BBOX1: variants seen among roughly 807,000 people sequenced by gnomAD.
The protein encoded by BBOX1 is gamma-butyrobetaine hydroxylase 1.
Under a neutral mutation model 41.6 loss-of-function variants are expected in BBOX1, and 35 were observed. That is an observed-to-expected ratio of 0.84 (90% confidence interval 0.64 to 1.11). The LOEUF is 1.11. Among genes scored for constraint, BBOX1 ranks in the 50% most tolerant of loss-of-function variants. The pLI is 0.00. For synonymous variants in BBOX1, 163 were observed against 154.7 expected (o/e 1.05, Z -0.40); for missense variants, 458 against 460.6 (o/e 0.99, Z 0.05).
At chr11:27,124,116 A>G (rs1859561123) in intron 7 of BBOX1, among the ~76,000 whole-genome samples, 1 of 152,032 alleles carries the variant, frequency 6.6e-6, no homozygotes, top group Admixed American at 6.5e-5. Flanking sequence ...ATCTTTCCCC[A>G]TTTGTTGATA....
intron 4 of BBOX1, among the ~76,000 whole-genome samples, chr11:27,092,431 G>A (rs1858280313): frequency 6.6e-6 from 1 of 151,870 alleles, no homozygotes; most frequent in African/African-American, 2.4e-5. Flanking sequence ...TTTCCTCTGT[G>A]TTCCACTTCC....
At chr11:27,041,673 T>A (rs1851351414) in intron 2 of BBOX1, among the ~76,000 whole-genome samples, 195 bp downstream of exon 2, 2 of 152,136 alleles carry the variant, frequency 1.3e-5, no homozygotes, top group Admixed American at 1.3e-4. Context: ...CCATCAAGCA[T>A]TTAGAATAGG....
rs199610433 is a variant in BBOX1, at chr11:27,119,842, T to C, written c.833T>C (p.Ile278Thr). The C allele has an allele frequency of 9.4e-6, 14 of 1,487,254 alleles. No homozygotes were observed. The highest frequency in any genetic ancestry group is 1.4e-5 in the African/African-American group (1 of 70,070). The allele number at this position is 1,487,254 out of a possible 1,614,324, so 92.1% of individuals were successfully genotyped here. ...TCTGTACAATCAAAACATAAAATTA[T>C]AGAGTAAGTACTATTTATAAATTTC... The part of the protein sequence containing the change: ...DFSVQSKHKI[I>T]ELDDKGQVVR... Residue 278 changes from isoleucine (I) to threonine (T), a missense_variant, in exon 7 of 9, where the codon ATA (isoleucine) becomes ACA (threonine). Ile to Thr is a moderately conservative substitution (Grantham distance 89). Transcript: ENST00000263182.
chr11:27,122,788 G>GTT (rs140084475), intron 7 of BBOX1, among the ~76,000 whole-genome samples: 4,873 of 147,918 alleles, frequency 0.033, 123 homozygotes, highest in South Asian at 0.11. Flanking sequence ...CCTTTCTTTG[G>GTT]TTTTTTTTTT....
intron 4 of BBOX1, among the ~76,000 whole-genome samples, chr11:27,062,682 C>T (rs184730998): frequency 1.7e-4 from 26 of 152,090 alleles, no homozygotes; most frequent in Admixed American, 1.5e-3. Flanking sequence ...CTCAGCCTCC[C>T]GAGTAGCTAC....
intron 5 of BBOX1, among the ~76,000 whole-genome samples, chr11:27,113,800 C>G (rs570764958): frequency 6.9e-6 from 1 of 145,952 alleles, no homozygotes; most frequent in Admixed American, 6.8e-5. Context: ...TACCCCTGAA[C>G]CTAAAAGTAA....
intron 5 of BBOX1, among the ~76,000 whole-genome samples, chr11:27,095,307 TGGA>T (rs1858399751): frequency 6.6e-6 from 1 of 152,010 alleles, no homozygotes; most frequent in African/African-American, 2.4e-5. Context: ...GGATCTTTGT[TGGA>T]GTTCTCTAAA....
chr11:27,092,086 A>G (rs1858265133), intron 4 of BBOX1, among the ~76,000 whole-genome samples: 1 of 151,974 alleles, frequency 6.6e-6, no homozygotes, highest in South Asian at 2.1e-4. Context: ...TCTGACGCCT[A>G]CAAAAATTCC....
intron 4 of BBOX1, among the ~76,000 whole-genome samples, chr11:27,079,150 C>G (rs1857744769): frequency 6.6e-6 from 1 of 152,154 alleles, no homozygotes; most frequent in Non-Finnish European, 1.5e-5. Flanking sequence ...TGATTAAGCA[C>G]ATGAGAGTAT....
At chr11:27,105,228 A>G (rs1858820658) in intron 5 of BBOX1, among the ~76,000 whole-genome samples, 2 of 152,202 alleles carry the variant, frequency 1.3e-5, no homozygotes, top group Admixed American at 6.5e-5. Context: ...GCAACGGAAC[A>G]AAGCTGGATG....
chr11:27,100,779 G>T (rs1219643194), intron 5 of BBOX1, among the ~76,000 whole-genome samples: 1 of 152,042 alleles, frequency 6.6e-6, no homozygotes, highest in Non-Finnish European at 1.5e-5. Context: ...TGCTCTTTTA[G>T]AAATCACTTG....
At chr11:27,096,402 A>G in intron 5 of BBOX1, among the ~76,000 whole-genome samples, 1 of 152,016 alleles carries the variant, frequency 6.6e-6, no homozygotes, top group East Asian at 1.9e-4. Flanking sequence ...GAGAAAAGAG[A>G]TTAAACAATA....
intron 2 of BBOX1, among the ~76,000 whole-genome samples, chr11:27,054,234 T>TGTGTGTGTGTGTGTGTGTGCGC (rs1491475061): frequency 4.7e-5 from 7 of 148,302 alleles, no homozygotes; most frequent in Admixed American, 3.4e-4. Context: ...TGTGTGTGTG[T>TGTGTGTGTGTGTGTGTGTGCGC]GCGTGCACAT....
chr11:27,108,814 C>G (rs188906866), intron 5 of BBOX1, among the ~76,000 whole-genome samples: 1 of 152,122 alleles, frequency 6.6e-6, no homozygotes. Flanking sequence ...AGGTGAGAAA[C>G]TCTTTTTCTC....
chr11:27,079,434 A>T (rs1291116391), intron 4 of BBOX1, among the ~76,000 whole-genome samples: 2 of 152,172 alleles, frequency 1.3e-5, no homozygotes, highest in Non-Finnish European at 2.9e-5. Context: ...AGGCTACATT[A>T]TATGTCACAT....
At chr11:27,084,185 T>A (rs552569768) in intron 4 of BBOX1, among the ~76,000 whole-genome samples, 3 of 152,250 alleles carry the variant, frequency 2.0e-5, no homozygotes, top group Non-Finnish European at 4.4e-5. Flanking sequence ...AGGAAACCTC[T>A]AAGGTATATC....
intron 2 of BBOX1, among the ~76,000 whole-genome samples, chr11:27,054,458 T>C (rs1032879870): frequency 6.6e-6 from 1 of 152,120 alleles, no homozygotes; most frequent in African/African-American, 2.4e-5. Flanking sequence ...GAAAGTAAAA[T>C]GTAAAACATT....
intron 6 of BBOX1, among the ~76,000 whole-genome samples, chr11:27,118,549 T>C (rs764711866): frequency 6.6e-6 from 1 of 152,014 alleles, no homozygotes; most frequent in Non-Finnish European, 1.5e-5. Flanking sequence ...CTCACTGTTT[T>C]TGCAGAAGTC....
chr11:27,055,355 A>T (rs1281653699), intron 2 of BBOX1, 38 bp from the exon 3 acceptor site: 8 of 1,457,924 alleles, frequency 5.5e-6, no homozygotes, highest in East Asian at 4.6e-5. Context: ...TTTAGATCTT[A>T]TCTGCCTGAG....
Sources: gnomAD v4.1 joint callset for allele counts (sites outside exome capture counted in the v4.1 genomes callset) on GRCh38, gnomAD v4.1.1 for gene constraint, MANE v1.5 for transcripts, NCBI Gene and HGNC (gene_info 2026-07-23, HGNC 2026-07-21) for gene names.